Variants in ZNF280B observed in about 807,000 individuals in gnomAD.
ZNF280B encodes zinc finger protein 280B, also known as suppressor of hairy wing homolog 2.
A neutral mutation model predicts 38.0 loss-of-function variants in ZNF280B; 16 were observed. That is an observed-to-expected ratio of 0.42 (90% CI 0.28 to 0.64). The LOEUF is 0.64. Among genes scored for constraint, ZNF280B ranks in the 30% least tolerant of loss-of-function variants. The pLI is 0.21. For synonymous variants in ZNF280B, 253 were observed against 230.6 expected (o/e 1.10, Z -0.88); for missense variants, 581 against 639.6 (o/e 0.91, Z 0.99).
rs891635114 is a variant in ZNF280B, at chr22:22,486,099, G to A, written c.*1668C>T. ...ATTAGAGAGACATTTCTTGCACACT[G>A]GTGTGTGTCAGGTAAGACCCAAACA... On this transcript the variant is annotated 3_prime_UTR_variant, in exon 4 of 4. Transcript: ENST00000626650. 1 of 151,976 alleles carries A rather than the reference G, an allele frequency of 6.6e-6. No homozygotes were observed. The highest frequency in any genetic ancestry group is 2.4e-5 in the African/African-American group (1 of 41,394). 9.4% of individuals were successfully genotyped at this position (151,976 alleles called of 1,614,324 possible).
intron 3 of ZNF280B, among the ~76,000 whole-genome samples, chr22:22,491,409 C>G (rs978722608): frequency 5.3e-5 from 8 of 150,100 alleles, no homozygotes; most frequent in African/African-American, 2.0e-4. Flanking sequence ...ACCTTTACTA[C>G]ACAGGCTGCA....
rs71199486 is a variant in ZNF280B, at chr22:22,497,208, TAAAAAAAAAAA to T, written c.-186-3039_-186-3029del. On this transcript the variant is annotated intron_variant, in intron 2 of 3. Transcript: ENST00000626650. ...TGAGCAGAATCTTGGTCTCCATCTT[TAAAAAAAAAAA>T]AAAAAAAAAAAAAAAAAAAAAAAAA... 2.1e-4 allele frequency among the ~76,000 whole-genome samples: 7 copies of T among 33,640 alleles called. No homozygotes were observed. The South Asian group carries it at 3.4e-3, about 16-fold the overall frequency. 22.1% of individuals were successfully genotyped at this position (33,640 alleles called of 152,430 possible).
intron 2 of ZNF280B, among the ~76,000 whole-genome samples, chr22:22,495,255 T>G (rs569977868): frequency 6.6e-6 from 1 of 152,102 alleles, no homozygotes; most frequent in South Asian, 2.1e-4. Context: ...TTCCACTTTT[T>G]CCCTCAGTCT....
intron 3 of ZNF280B, among the ~76,000 whole-genome samples, chr22:22,492,838 A>T (rs1364068105): frequency 6.6e-6 from 1 of 150,930 alleles, no homozygotes; most frequent in Non-Finnish European, 1.5e-5. Flanking sequence ...GTAAGCCAAG[A>T]CCACGTCACT....
intron 3 of ZNF280B, 75 bp from the exon 4 acceptor site, chr22:22,489,541 T>C (rs2061552058): frequency 4.3e-6 from 3 of 699,208 alleles, no homozygotes; most frequent in Non-Finnish European, 6.8e-6. Context: ...ACATTGTTTT[T>C]ATAAACCACT....
chr22:22,494,205 T>G (rs1447871538), intron 2 of ZNF280B, 25 bp from the exon 3 acceptor site: 1 of 151,878 alleles, frequency 6.6e-6, no homozygotes, highest in Non-Finnish European at 1.5e-5. Flanking sequence ...AATGAATTCC[T>G]GTTGTTAATA....
chr22:22,500,457 A>C (rs2061793834), intron 2 of ZNF280B, among the ~76,000 whole-genome samples: 1 of 151,962 alleles, frequency 6.6e-6, no homozygotes, highest in South Asian at 2.1e-4. Flanking sequence ...TTGAACCTTG[A>C]GGATATTATG....
intron 2 of ZNF280B, among the ~76,000 whole-genome samples, chr22:22,502,368 T>C (rs2061843135): frequency 6.6e-6 from 1 of 151,920 alleles, no homozygotes; most frequent in Non-Finnish European, 1.5e-5. Context: ...AACTTGTACT[T>C]TGGAAAAGTT....
chr22:22,507,844 G>A lies in ZNF280B; in HGVS notation c.-221C>T, dbSNP rs564127085. On this transcript the variant is annotated 5_prime_UTR_variant, in exon 2 of 4. Coordinates refer to ENST00000626650, the MANE Select transcript of ZNF280B (RefSeq NM_080764.4). ...ATTACAACGCAACTTTTAAGAACTTGAGCTATTCCAGGCAGAAGGTCACAT... is the reference window on the plus strand; with the variant it reads ...ATTACAACGCAACTTTTAAGAACTTAAGCTATTCCAGGCAGAAGGTCACAT... 3 of 152,058 alleles carry A rather than the reference G, an allele frequency of 2.0e-5. No individual in the cohort carries two copies. Among genetic ancestry groups the A allele is most frequent in the Admixed American group, 2.0e-4 (3 of 15,260 alleles). The allele number at this position is 152,058 out of a possible 1,614,324, so 9.4% of individuals were successfully genotyped here. A position where few individuals can be genotyped will look rare whatever the true frequency, so the allele number is the denominator to read the frequency against.
In ZNF280B at chr22:22,487,956, C is replaced by G; in HGVS notation, c.1443G>C (p.Gln481His). ...TFKEKMEHKT[Q>H]CHQMFKKPKQ... ...TAGGCTTCTTAAACATTTGATGACA[C>G]TGGGTCTTGTGCTCCATTTTCTCCT... The change falls in exon 4 of 4, where the codon CAG becomes CAC. Residue 481 changes from glutamine (Q) to histidine (H), a missense_variant. Transcript: ENST00000626650. The G allele has an allele frequency of 6.2e-7, 1 of 1,613,772 alleles. No homozygotes were observed. The highest frequency in any genetic ancestry group is 1.1e-5 in the South Asian group (1 of 91,058).
rs530376613 is a variant in ZNF280B at position 22,498,182 on chromosome 22, G to A, written c.-186-4002C>T. ...CCATAGATATTAAACAAAGATTTGT[G>A]GTTGCCAGAAGATAGGAAAGGGAAA... On this transcript the variant is annotated intron_variant, in intron 2 of 3. Coordinates refer to ENST00000626650, the MANE Select transcript of ZNF280B (RefSeq NM_080764.4). 2.0e-5 allele frequency among the ~76,000 whole-genome samples: 3 copies of A among 152,012 alleles called. No individual in the cohort carries two copies. In the East Asian group the frequency reaches 5.9e-4, roughly 30 times the overall value.
intron 3 of ZNF280B, 126 bp from the exon 4 acceptor site, chr22:22,489,592 A>T (rs1324461928): frequency 3.7e-6 from 2 of 536,460 alleles, no homozygotes; most frequent in African/African-American, 3.9e-5. Context: ...GAGGATAAAT[A>T]ACAGCTTAAA....
chr22:22,495,436 A>T (rs2061674950), intron 2 of ZNF280B, among the ~76,000 whole-genome samples: 1 of 152,004 alleles, frequency 6.6e-6, no homozygotes. Flanking sequence ...GAACTAACAA[A>T]CAGTCCAGTG....
chr22:22,508,465 G>T (rs11913154), intron 1 of ZNF280B, among the ~76,000 whole-genome samples, 194 bp downstream of exon 1: 4,294 of 151,788 alleles, frequency 0.028, 222 homozygotes, highest in African/African-American at 0.097. Context: ...ATTAGGGAAG[G>T]GGGTGTGCGT....
rs768420909 is a variant in ZNF280B, at chr22:22,488,586, G to A, written c.813C>T (p.Asn271=). The part of the protein sequence containing the change: ...KTDILSLTSQ[N]KTFDPKKENP... ...TTTCTTTCTTGGGATCAAAGGTCTT[G>A]TTTTGACTTGTTAGACTCAAAATGT... The change falls in exon 4 of 4, where the codon AAC becomes AAT. Residue 271 remains asparagine, a synonymous_variant. Transcript: ENST00000626650. 2.5e-5 allele frequency: 40 copies of A among 1,613,824 alleles called. No individual in the cohort carries two copies. In the South Asian group the frequency reaches 4.1e-4, roughly 16 times the overall value.
chr22:22,495,074 T>G (rs533304309), intron 2 of ZNF280B, among the ~76,000 whole-genome samples: 38 of 151,982 alleles, frequency 2.5e-4, no homozygotes, highest in African/African-American at 8.4e-4. Flanking sequence ...ACCACACACA[T>G]ACTCTTCTGA....
At chr22:22,497,090 T>A (rs150675470) in intron 2 of ZNF280B, among the ~76,000 whole-genome samples, 3 of 150,608 alleles carry the variant, frequency 2.0e-5, no homozygotes, top group African/African-American at 4.9e-5. Flanking sequence ...AGTACTGGAA[T>A]TACAGGCGTG....
chr22:22,501,536 G>T lies in ZNF280B; in HGVS notation c.-187+6274C>A, dbSNP rs138572256. 2.7e-3 allele frequency among the ~76,000 whole-genome samples: 407 copies of T among 151,866 alleles called. 3 individuals are homozygous for T. Among genetic ancestry groups the T allele is most frequent in the Non-Finnish European group, 4.0e-3 (271 of 67,982 alleles). On this transcript the variant is annotated intron_variant, in intron 2 of 3. Coordinates refer to ENST00000626650, the MANE Select transcript of ZNF280B (RefSeq NM_080764.4). The stretch of plus-strand genomic sequence containing the variant: ...GCCGAGATCATGCCACCACACTCCA[G>T]CCTGGGCGACAGAGTGAGACTCTGT...
intron 3 of ZNF280B, 26 bp from the exon 4 acceptor site, chr22:22,489,492 T>C (rs533266698): frequency 2.6e-4 from 276 of 1,074,314 alleles, no homozygotes; most frequent in Middle Eastern, 6.3e-4. Context: ...CATCAGTAAG[T>C]ACAGGAAAAT....
Sources: gnomAD v4.1 joint callset for allele counts (sites outside exome capture counted in the v4.1 genomes callset) on GRCh38, gnomAD v4.1.1 for gene constraint, MANE v1.5 for transcripts, NCBI Gene and HGNC (gene_info 2026-07-23, HGNC 2026-07-21) for gene names.